Variants in TRIML2 observed in about 807,000 individuals in gnomAD.
TRIML2 encodes tripartite motif family like 2, also known as probable E3 ubiquitin-protein ligase TRIML2.
TRIML2 carries 28 observed loss-of-function variants against 31.2 expected under a neutral mutation model. The ratio of observed to expected loss-of-function variants is 0.90; its 90% confidence interval spans 0.66 to 1.23. The LOEUF is 1.23. TRIML2 is among the 50% of genes most tolerant of loss of function. TRIML2 has a pLI of 0.00. For synonymous variants in TRIML2, 187 were observed against 197.5 expected (o/e 0.95, Z 0.45); for missense variants, 536 against 528.3 (o/e 1.01, Z -0.14).
At position 188,105,558 on chromosome 4, in the gene TRIML2, C is replaced by T. The variant is rs1579185317; in HGVS notation, c.-190G>A. On this transcript the variant is annotated 5_prime_UTR_variant, in exon 2 of 8. Transcript: ENST00000682553. ...ACAGAGCGGGTCGGCGCTCTGGACT[C>T]CTCAAATCCAACAAATTTCTGGCAG... The T allele has an allele frequency of 9.2e-6, 4 of 434,628 alleles. No individual in the cohort carries two copies. The East Asian group carries it at 1.2e-4, about 14-fold the overall frequency. 26.9% of individuals were successfully genotyped at this position (434,628 alleles called of 1,614,324 possible).
Position 188,091,764 on chromosome 4 carries a change from A to C in TRIML2, c.923T>G (p.Val308Gly). Residue 308 changes from valine (V) to glycine (G), a missense_variant, in exon 8 of 8, where the codon GTG becomes GGG. Transcript: ENST00000682553. ...SFTSGRHYWE[V>G]DVEKATRWQV... is the part of the protein sequence containing the mutation. ...CCACCTGGTTGCCTTTTCCACGTCC[A>C]CCTCCCAGTAGTGCCTCCCTGAGGT... The C allele has an allele frequency of 6.2e-7, 1 of 1,613,660 alleles. No individual in the cohort carries two copies.
At position 188,091,327 on chromosome 4, in the gene TRIML2, T is replaced by C; in HGVS notation, c.*46A>G. On this transcript the variant is annotated 3_prime_UTR_variant, in exon 8 of 8. Coordinates refer to ENST00000682553, the MANE Select transcript of TRIML2 (RefSeq NM_173553.4). ...CACAAATTCTTTCAAAGTCTTGTTC[T>C]CCAACTTTCTGGTGTCTCGTGGTCT... The C allele has an allele frequency of 6.4e-7, 1 of 1,555,198 alleles. No individual in the cohort carries two copies. Among genetic ancestry groups the C allele is most frequent in the Non-Finnish European group, 8.7e-7 (1 of 1,144,394 alleles).
At chr4:188,095,333 G>A (rs972178441) in intron 7 of TRIML2, among the ~76,000 whole-genome samples, 2 of 152,146 alleles carry the variant, frequency 1.3e-5, no homozygotes, top group African/African-American at 2.4e-5. Context: ...TTAGGAAAAT[G>A]AGAATACAAA....
Position 188,104,870 on chromosome 4 carries a change from C to A in TRIML2, c.252G>T (p.Leu84Phe). The change falls in exon 3 of 8, where the codon TTG (leucine) becomes TTT (phenylalanine). Residue 84 changes from leucine (L) to phenylalanine (F), a missense_variant. Leu to Phe is a conservative substitution (Grantham distance 22). Coordinates refer to ENST00000682553, the MANE Select transcript of TRIML2 (RefSeq NM_173553.4). The part of the protein sequence containing the change: ...REKLEAAKSI[L>F]TDEQERMAMI... Reference sequence around the variant, plus strand: ...TCGCCATTCTTTCTTGCTCATCAGTCAATATGCTTTTAGCTGCTTCAAGTT... The same window carrying A: ...TCGCCATTCTTTCTTGCTCATCAGTAAATATGCTTTTAGCTGCTTCAAGTT... 6.2e-7 allele frequency: 1 copy of A among 1,614,052 alleles called. No individual in the cohort carries two copies. Among genetic ancestry groups the A allele is most frequent in the Non-Finnish European group, 8.5e-7 (1 of 1,179,986 alleles).
intron 7 of TRIML2, 109 bp downstream of exon 7, chr4:188,096,952 G>T: frequency 1.2e-6 from 1 of 869,392 alleles, no homozygotes; most frequent in Non-Finnish European, 1.9e-6. Flanking sequence ...CCACTGTGCT[G>T]GCCTAAAATT....
At chr4:188,105,779 G>A (rs930200800) in intron 1 of TRIML2, 189 bp from the exon 2 acceptor site, 2 of 163,718 alleles carry the variant, frequency 1.2e-5, no homozygotes, top group African/African-American at 4.8e-5. Context: ...ACTAGAGTGA[G>A]GTAACAGAGT....
Position 188,101,078 on chromosome 4 carries a change from T to C in TRIML2, c.458A>G (p.Glu153Gly). The C allele has an allele frequency of 6.2e-7, 1 of 1,610,628 alleles. No homozygotes were observed. The highest frequency in any genetic ancestry group is 1.1e-5 in the South Asian group (1 of 90,624). Residue 153 changes from glutamate to glycine, a missense_variant, in exon 4 of 8, where the codon GAG (glutamate) becomes GGG (glycine). Transcript: ENST00000682553. ...CACCTGTAGCATTTCCTGGAACATCTCCTCTAGCTCGGTGGCAAGCTTGAT... is the reference window on the plus strand; with the variant it reads ...CACCTGTAGCATTTCCTGGAACATCCCCTCTAGCTCGGTGGCAAGCTTGAT... The part of the protein sequence containing the change: ...QAIKLATELE[E>G]MFQEMLQRLG...
chr4:188,105,529 G>A lies in TRIML2; in HGVS notation c.-161C>T, dbSNP rs1733990774. 1.9e-6 allele frequency: 1 copy of A among 513,900 alleles called. No individual in the cohort carries two copies. The highest frequency in any genetic ancestry group is 3.4e-6 in the Non-Finnish European group (1 of 296,908). 31.8% of individuals were successfully genotyped at this position (513,900 alleles called of 1,614,324 possible). A position where few individuals can be genotyped will look rare whatever the true frequency, so the allele number is the denominator to read the frequency against. ...CGAAGATCCAAGGAAATAAGTCCACGCAGACAGAGCGGGTCGGCGCTCTGG... is the reference window on the plus strand; with the variant it reads ...CGAAGATCCAAGGAAATAAGTCCACACAGACAGAGCGGGTCGGCGCTCTGG... On this transcript the variant is annotated 5_prime_UTR_variant, in exon 2 of 8. Transcript: ENST00000682553.
intron 1 of TRIML2, among the ~76,000 whole-genome samples, chr4:188,108,590 A>G (rs72724967): frequency 0.11 from 17,140 of 152,142 alleles, 1,150 homozygotes; most frequent in South Asian, 0.29. Flanking sequence ...CCCGTCCTAT[A>G]CAATCTGGCC....
chr4:188,109,270 CT>C lies in TRIML2; in HGVS notation c.-251del, dbSNP rs769207658. Reference sequence around the variant, plus strand: ...TCTTTGTAGCAATCCTGGGTATTTCCTTTTTTTTTTTTTTTTTTTTTTTTGA... The same window carrying C: ...TCTTTGTAGCAATCCTGGGTATTTCCTTTTTTTTTTTTTTTTTTTTTTTGA... On this transcript the variant is annotated 5_prime_UTR_variant, in exon 1 of 8. Transcript: ENST00000682553. 22 of 69,948 alleles carry C rather than the reference CT, an allele frequency of 3.1e-4. No individual in the cohort carries two copies. Among genetic ancestry groups the C allele is most frequent in the East Asian group, 1.6e-3 (4 of 2,426 alleles). 4.3% of individuals were successfully genotyped at this position (69,948 alleles called of 1,614,324 possible).
At chr4:188,096,528 CAAAAAAA>C (rs10607852) in intron 7 of TRIML2, among the ~76,000 whole-genome samples, 12 of 39,284 alleles carry the variant, frequency 3.1e-4, no homozygotes, top group African/African-American at 8.7e-4. Flanking sequence ...AACTCTGTCT[CAAAAAAA>C]AAAAAAAAAA....
intron 4 of TRIML2, among the ~76,000 whole-genome samples, chr4:188,100,678 C>T (rs183150534): frequency 2.7e-4 from 41 of 152,062 alleles, no homozygotes; most frequent in African/African-American, 9.6e-4. Context: ...GCTGAGATTG[C>T]GCCACTGCAC....
chr4:188,107,668 A>G (rs1357205305), intron 1 of TRIML2, among the ~76,000 whole-genome samples: 3 of 152,192 alleles, frequency 2.0e-5, no homozygotes, highest in Non-Finnish European at 4.4e-5. Flanking sequence ...TCCATCTGTT[A>G]TATTATTAAT....
At chr4:188,094,545 TA>T (rs1006923328) in intron 7 of TRIML2, among the ~76,000 whole-genome samples, 4 of 152,140 alleles carry the variant, frequency 2.6e-5, no homozygotes, top group African/African-American at 4.8e-5. Flanking sequence ...ACAGTGGCTG[TA>T]AAAAACATAA....
intron 6 of TRIML2, 79 bp from the exon 7 acceptor site, chr4:188,097,240 A>C (rs1733558808): frequency 1.3e-6 from 2 of 1,581,120 alleles, no homozygotes; most frequent in Non-Finnish European, 1.7e-6. Context: ...ATTACATCCT[A>C]CCAGCAAATG....
Position 188,101,137 on chromosome 4 carries a change from G to A in TRIML2, c.399C>T (p.Asp133=). The A allele has an allele frequency of 6.2e-7, 1 of 1,613,872 alleles. No homozygotes were observed. The highest frequency in any genetic ancestry group is 8.5e-7 in the Non-Finnish European group (1 of 1,179,966). ...TCAGAAGGGTTTCTCTCAGGTTCAA[G>A]TCAGATATGCATTCCTGCTGTCTCT... The part of the protein sequence containing the change: ...NLQRQQECIS[D]LNLRETLLNQ... The change falls in exon 4 of 8, where the codon GAC becomes GAT. Residue 133 remains aspartate, a synonymous_variant. Coordinates refer to ENST00000682553, the MANE Select transcript of TRIML2 (RefSeq NM_173553.4).
At chr4:188,101,819 T>G (rs909449461) in intron 3 of TRIML2, among the ~76,000 whole-genome samples, 1 of 151,950 alleles carries the variant, frequency 6.6e-6, no homozygotes, top group Non-Finnish European at 1.5e-5. Flanking sequence ...GAACATAAAA[T>G]GCAGACGAAG....
At chr4:188,106,451 A>G (rs1162277101) in intron 1 of TRIML2, 1 of 152,282 alleles carries the variant, frequency 6.6e-6, no homozygotes, top group African/African-American at 2.4e-5. Context: ...AAATTTCAGG[A>G]GTGACGTGAC....
intron 5 of TRIML2, chr4:188,098,639 A>G: frequency 4.9e-6 from 1 of 203,008 alleles, no homozygotes; most frequent in Non-Finnish European, 1.0e-5. Flanking sequence ...ATATATACTT[A>G]TTATCCAAAG....
Sources: gnomAD v4.1 joint callset for allele counts (sites outside exome capture counted in the v4.1 genomes callset) on GRCh38, gnomAD v4.1.1 for gene constraint, MANE v1.5 for transcripts, NCBI Gene and HGNC (gene_info 2026-07-23, HGNC 2026-07-21) for gene names.